The following SLC4A5 variants were observed in gnomAD, a reference collection of about 807,000 sequenced individuals.
SLC4A5 encodes solute carrier family 4 member 5, also known as electrogenic sodium bicarbonate cotransporter 4.
SLC4A5 carries 96 observed loss-of-function variants against 120.4 expected under a neutral mutation model. The ratio of observed to expected loss-of-function variants is 0.80; its 90% CI spans 0.68 to 0.94. The LOEUF is 0.94. Among genes scored for constraint, SLC4A5 ranks in the 40% least tolerant of loss-of-function variants. The probability of loss-of-function intolerance (pLI) is 0.00; values close to 1 mark genes in which losing one functional copy is unlikely to be tolerated. For synonymous variants in SLC4A5, 550 were observed against 571.1 expected (o/e 0.96, Z 0.53); for missense variants, 1,259 against 1,459.5 (o/e 0.86, Z 2.24).
chr2:74,248,536 C>T (rs752445010), intron 17 of SLC4A5, 50 bp from the exon 18 acceptor site: 2 of 1,605,696 alleles, frequency 1.2e-6, no homozygotes, highest in East Asian at 2.2e-5. Context: ...GAAGCGGTCT[C>T]TCCACACAGG....
At position 74,236,977 on chromosome 2, in the gene SLC4A5, A is replaced by ATTT. The variant is rs33959548; in HGVS notation, c.2320-1766_2320-1764dup. 2.3e-4 allele frequency among the ~76,000 whole-genome samples: 32 copies of ATTT among 140,138 alleles called. 1 individual carries two copies. The highest frequency in any genetic ancestry group is 5.7e-4 in the Admixed American group (8 of 13,964). The allele number at this position is 140,138 out of a possible 152,430, so 91.9% of individuals were successfully genotyped here. On this transcript the variant is annotated intron_variant, in intron 21 of 30. Coordinates refer to ENST00000394019, the Ensembl canonical transcript of SLC4A5. ...GGAAATTCCAGAAGGCAACTGAGCA[A>ATTT]TTTTTTTTTTTTTTTTTGAGACAGA...
At chr2:74,258,506 TA>T (rs1671038170) in intron 12 of SLC4A5, among the ~76,000 whole-genome samples, 1 of 152,206 alleles carries the variant, frequency 6.6e-6, no homozygotes, top group Non-Finnish European at 1.5e-5. Flanking sequence ...TATGCATGAG[TA>T]AAAGTGGTTT....
intron 16 of SLC4A5, 89 bp from the exon 17 acceptor site, chr2:74,250,606 C>T (rs1573026304): frequency 4.0e-6 from 6 of 1,504,798 alleles, no homozygotes; most frequent in African/African-American, 2.8e-5. Flanking sequence ...GAGTCTGGGG[C>T]GAGGAAAGGA....
At chr2:74,262,698 CAA>C (rs1237319584) in intron 10 of SLC4A5, among the ~76,000 whole-genome samples, 14 of 106,520 alleles carry the variant, frequency 1.3e-4, no homozygotes, top group African/African-American at 2.7e-4. Flanking sequence ...GACTCCGTCT[CAA>C]AAAAAAAAAA....
At chr2:74,252,844 T>C (rs1457256688) in intron 15 of SLC4A5, 130 bp downstream of exon 15, 3 of 1,113,690 alleles carry the variant, frequency 2.7e-6, no homozygotes, top group Non-Finnish European at 3.9e-6. Context: ...TGCCTCAGCA[T>C]CCCAAAGTGT....
chr2:74,232,217 G>A (rs2103912580), intron 24 of SLC4A5, among the ~76,000 whole-genome samples: 1 of 152,244 alleles, frequency 6.6e-6, no homozygotes, highest in Admixed American at 6.5e-5. Flanking sequence ...TGAGTGTCTG[G>A]CACGTGTGCA....
chr2:74,243,170 T>A (rs1490232981), intron 19 of SLC4A5, among the ~76,000 whole-genome samples: 1 of 152,200 alleles, frequency 6.6e-6, no homozygotes, highest in African/African-American at 2.4e-5. Flanking sequence ...TGCATGTGGA[T>A]CACATGACGG....
chr2:74,293,112 T>C (rs1445177436), intron 7 of SLC4A5, among the ~76,000 whole-genome samples: 1 of 152,024 alleles, frequency 6.6e-6, no homozygotes, highest in Non-Finnish European at 1.5e-5. Context: ...TCCAGGCCAC[T>C]GACTATTGGG....
intron 19 of SLC4A5, among the ~76,000 whole-genome samples, chr2:74,244,636 A>G (rs868429733): frequency 2.6e-5 from 4 of 151,376 alleles, no homozygotes; most frequent in Non-Finnish European, 4.4e-5. Flanking sequence ...AAATAGAGAC[A>G]GGGTCTGGCT....
rs757341490 is a variant in SLC4A5 at position 74,252,191 on chromosome 2, A to G, written c.1466T>C (p.Ile489Thr). Reference sequence around the variant, plus strand: ...CTGGGGTGGGCACCTTCCTGTCCAGATAAGTTCCTCCCCGATTTCATGCAT... The same window carrying G: ...CTGGGGTGGGCACCTTCCTGTCCAGGTAAGTTCCTCCCCGATTTCATGCAT... The change falls in exon 16 of 31, where the codon ATC becomes ACC. Residue 489 changes from isoleucine to threonine, a missense_variant. Transcript: ENST00000394019. The G allele has an allele frequency of 2.5e-6, 4 of 1,612,912 alleles. No individual in the cohort carries two copies. In the South Asian group the frequency reaches 3.3e-5, roughly 13 times the overall value.
intron 10 of SLC4A5, among the ~76,000 whole-genome samples, chr2:74,263,677 C>T (rs1460510916): frequency 2.0e-5 from 3 of 152,176 alleles, no homozygotes; most frequent in Non-Finnish European, 4.4e-5. Context: ...TGATGTGTTC[C>T]ATTTTCTGCT....
At chr2:74,292,795 G>A (rs576489338) in intron 7 of SLC4A5, among the ~76,000 whole-genome samples, 2 of 152,254 alleles carry the variant, frequency 1.3e-5, no homozygotes, top group South Asian at 2.1e-4. Context: ...ATCAGGACAC[G>A]ATCCTGGGGT....
At chr2:74,247,452 A>G in intron 18 of SLC4A5, 145 bp from the exon 19 acceptor site, 1 of 812,910 alleles carries the variant, frequency 1.2e-6, no homozygotes, top group East Asian at 2.7e-5. Flanking sequence ...GGACAGGGAC[A>G]ATTCTTGGGC....
At chr2:74,289,731 C>T (rs1246437763) in intron 7 of SLC4A5, among the ~76,000 whole-genome samples, 1 of 152,114 alleles carries the variant, frequency 6.6e-6, no homozygotes, top group Non-Finnish European at 1.5e-5. Context: ...GAGAAAATAA[C>T]CTTATTTTTT....
chr2:74,224,854 C>T, exon 28 of SLC4A5: 1 of 1,612,064 alleles, frequency 6.2e-7, no homozygotes, highest in African/African-American at 1.3e-5. Flanking sequence ...TCATCACAGT[C>T]CTCGTGGGCC....
intron 8 of SLC4A5, among the ~76,000 whole-genome samples, chr2:74,270,972 T>C (rs2104083777): frequency 6.6e-6 from 1 of 152,370 alleles, no homozygotes; most frequent in East Asian, 1.9e-4. Flanking sequence ...AGTCATGCTA[T>C]GCTTTAGTTT....
chr2:74,320,910 G>A (rs1001890307), intron 5 of SLC4A5, among the ~76,000 whole-genome samples: 1 of 152,172 alleles, frequency 6.6e-6, no homozygotes. Context: ...GAAAGGAAAA[G>A]TAATCATGGT....
At chr2:74,254,019 G>A (rs1342979438) in intron 14 of SLC4A5, among the ~76,000 whole-genome samples, 1 of 152,174 alleles carries the variant, frequency 6.6e-6, no homozygotes, top group African/African-American at 2.4e-5. Context: ...ATAAAAGTGA[G>A]ACATTTCGTG....
At chr2:74,233,380 C>T in intron 23 of SLC4A5, 22 bp downstream of exon 23, 1 of 1,613,822 alleles carries the variant, frequency 6.2e-7, no homozygotes, top group Non-Finnish European at 8.5e-7. Flanking sequence ...GGTTATGCCT[C>T]TGCTCCTAGT....
Sources: allele counts gnomAD v4.1 joint callset (sites outside exome capture counted in the v4.1 genomes callset), GRCh38; gene constraint gnomAD v4.1.1; transcripts MANE v1.5; gene names NCBI Gene and HGNC (gene_info 2026-07-23, HGNC 2026-07-21).